The following SESN1 variants were observed in gnomAD, a reference collection of about 807,000 sequenced individuals.
SESN1 encodes sestrin 1, also known as sestrin-1.
In SESN1, 30 loss-of-function variants were observed where a neutral mutation model predicts 59.3. The ratio of observed to expected loss-of-function variants is 0.51; its 90% CI spans 0.38 to 0.69. The LOEUF (loss-of-function observed/expected upper bound fraction) is 0.69. SESN1 is among the 30% of genes least tolerant of loss of function. The pLI, the probability that SESN1 is intolerant of heterozygous loss-of-function variation, is 0.00. For missense variants in SESN1, 566 were observed against 673.0 expected (o/e 0.84, Z 1.76); for synonymous variants, 197 against 219.9 (o/e 0.90, Z 0.92).
chr6:109,090,082 C>G, intron 1 of SESN1, among the ~76,000 whole-genome samples: 1 of 152,180 alleles, frequency 6.6e-6, no homozygotes, highest in South Asian at 2.1e-4. Flanking sequence ...GCAGGCATAC[C>G]TAACATTAAC....
At chr6:109,011,091 G>T (rs573174382) in intron 1 of SESN1, among the ~76,000 whole-genome samples, 11 of 152,288 alleles carry the variant, frequency 7.2e-5, no homozygotes, top group Admixed American at 1.3e-4. Flanking sequence ...TTGTCTAGTA[G>T]GGCATAATCT....
rs1779355605 is a variant in SESN1, at chr6:108,990,673, T to G, written c.1396A>C (p.Asn466His). ...DTSMLRRAIW[N>H]YIHCMFGIRY... ...ATTCCAAACATGCAGTGAATATAGT[T>G]CCAAATTGCCCGTCTAAGCATTGAG... The change falls in exon 8 of 10, where the codon AAC becomes CAC. Residue 466 changes from asparagine to histidine, a missense_variant. Asn to His is a moderately conservative substitution (Grantham distance 68). Coordinates refer to ENST00000436639, the MANE Select transcript of SESN1 (RefSeq NM_014454.3). The G allele has an allele frequency of 6.2e-7, 1 of 1,614,104 alleles. No individual in the cohort carries two copies. The highest frequency in any genetic ancestry group is 8.5e-7 in the Non-Finnish European group (1 of 1,180,002).
At chr6:109,020,296 ATAGAT>A (rs1779990509) in intron 1 of SESN1, among the ~76,000 whole-genome samples, 2 of 152,324 alleles carry the variant, frequency 1.3e-5, no homozygotes, top group South Asian at 4.1e-4. Flanking sequence ...TCTTGGCAAA[ATAGAT>A]TAGATTTTAG....
At chr6:109,089,836 C>T (rs937192012) in intron 1 of SESN1, among the ~76,000 whole-genome samples, 3 of 152,200 alleles carry the variant, frequency 2.0e-5, no homozygotes, top group African/African-American at 7.2e-5. Flanking sequence ...CCCTACCTCA[C>T]ATCCTAGTCC....
intron 1 of SESN1, among the ~76,000 whole-genome samples, chr6:109,084,407 A>G (rs558078337): frequency 5.3e-5 from 8 of 152,262 alleles, no homozygotes; most frequent in South Asian, 2.1e-4. Context: ...CTAAAAATAT[A>G]GCCGGGCATC....
intron 1 of SESN1, among the ~76,000 whole-genome samples, chr6:109,058,037 CTT>C (rs11415303): frequency 8.3e-4 from 122 of 146,470 alleles, no homozygotes; most frequent in African/African-American, 3.0e-3. Context: ...TGTACAGTAA[CTT>C]TTTTTTTTTT....
intron 7 of SESN1, among the ~76,000 whole-genome samples, chr6:108,992,305 A>T (rs1486330248): frequency 6.6e-6 from 1 of 151,936 alleles, no homozygotes; most frequent in Non-Finnish European, 1.5e-5. Context: ...TTGTGGAGAC[A>T]GGGTTTCCCC....
rs761802171 is a variant in SESN1 at position 109,038,978 on chromosome 6, AAAG to A, written c.280-36638_280-36636del. 3.4e-4 allele frequency among the ~76,000 whole-genome samples: 52 copies of A among 151,054 alleles called. No homozygotes were observed. In the East Asian group the frequency reaches 4.1e-3, roughly 12 times the overall value. On this transcript the variant is annotated intron_variant, in intron 1 of 9. Coordinates refer to ENST00000436639, the MANE Select transcript of SESN1 (RefSeq NM_014454.3). ...GGAGAAGGGAGAAGAAGGAAAAGAA[AAAG>A]AAGAAGGAGGAGGAGGAGAAAAGAA...
intron 1 of SESN1, among the ~76,000 whole-genome samples, chr6:109,090,072 G>C (rs548727440): frequency 2.8e-4 from 43 of 152,320 alleles, no homozygotes; most frequent in African/African-American, 1.0e-3. Context: ...CCTAGTAATA[G>C]CAGGCATACC....
chr6:109,051,367 C>T (rs1451561107), intron 1 of SESN1, among the ~76,000 whole-genome samples: 1 of 152,138 alleles, frequency 6.6e-6, no homozygotes, highest in Non-Finnish European at 1.5e-5. Flanking sequence ...AAATGTAACA[C>T]ATCAGTTGTG....
chr6:108,998,500 AAAT>A lies in SESN1; in HGVS notation c.972+10_972+12del. On this transcript the variant is annotated intron_variant, in intron 5 of 9. Transcript: ENST00000436639. Reference sequence around the variant, plus strand: ...ATTAGTTTTATGACAATCTCATGACAAATAATACTTACAGAAACATTTTCTGCT... The same window carrying A: ...ATTAGTTTTATGACAATCTCATGACAAATACTTACAGAAACATTTTCTGCT... 6.2e-7 allele frequency: 1 copy of A among 1,613,316 alleles called. No homozygotes were observed. The highest frequency in any genetic ancestry group is 8.5e-7 in the Non-Finnish European group (1 of 1,179,412).
rs1779209399 is a variant in SESN1 at position 108,986,792 on chromosome 6, G to A, written c.*752C>T. 6.6e-6 allele frequency: 1 copy of A among 152,190 alleles called. No homozygotes were observed. Among genetic ancestry groups the A allele is most frequent in the Admixed American group, 6.5e-5 (1 of 15,284 alleles). 9.4% of individuals were successfully genotyped at this position (152,190 alleles called of 1,614,324 possible). ...AGCTGCCCTCCAGTGTCAGGATCCT[G>A]TGAAACAGCATATCAAAAGATCGCC... On this transcript the variant is annotated 3_prime_UTR_variant, in exon 10 of 10. Transcript: ENST00000436639.
At chr6:109,032,203 C>T (rs766464948) in intron 1 of SESN1, among the ~76,000 whole-genome samples, 24 of 151,956 alleles carry the variant, frequency 1.6e-4, no homozygotes, top group Non-Finnish European at 2.9e-4. Flanking sequence ...ACCTGGAAGG[C>T]GGAGGTTGCG....
In SESN1 at chr6:109,067,430, A is replaced by T. The variant is rs1780852324; in HGVS notation, c.279+26365T>A. Among the ~76,000 whole-genome samples the T allele has an allele frequency of 8.5e-5, 13 of 152,234 alleles. No individual in the cohort carries two copies. In the South Asian group the frequency reaches 2.5e-3, roughly 29 times the overall value. On this transcript the variant is annotated intron_variant, in intron 1 of 9. Coordinates refer to ENST00000436639, the MANE Select transcript of SESN1 (RefSeq NM_014454.3). ...TAAAAGATAGTAAAAATAGGAGAGA[A>T]AATTCCCTAAAACTGAACGCTAAGT...
intron 1 of SESN1, among the ~76,000 whole-genome samples, chr6:109,031,771 T>C (rs1037464366): frequency 1.3e-5 from 2 of 152,132 alleles, no homozygotes; most frequent in East Asian, 1.9e-4. Context: ...TATAAAGAAG[T>C]ATATAGTCAG....
rs1259380849 is a variant in SESN1 at position 109,000,475 on chromosome 6, T to C, written c.729+16A>G. On this transcript the variant is annotated intron_variant, in intron 4 of 9. Coordinates refer to ENST00000436639, the MANE Select transcript of SESN1 (RefSeq NM_014454.3). ...AGTCTGAAATGACTCCCAAGATATA[T>C]TACCCCACTGCTTACCTCAATGTGT... 1.0e-5 allele frequency: 15 copies of C among 1,496,572 alleles called. No homozygotes were observed. The highest frequency in any genetic ancestry group is 1.3e-5 in the Non-Finnish European group (15 of 1,119,042). 92.7% of individuals were successfully genotyped at this position (1,496,572 alleles called of 1,614,324 possible). A position where few individuals can be genotyped will look rare whatever the true frequency, so the allele number is the denominator to read the frequency against.
At chr6:109,082,653 T>A (rs937251703) in intron 1 of SESN1, among the ~76,000 whole-genome samples, 3 of 152,208 alleles carry the variant, frequency 2.0e-5, no homozygotes, top group Non-Finnish European at 1.5e-5. Context: ...TGGACTCCAA[T>A]GAAGGGCTGG....
At chr6:109,053,878 C>A (rs1187158984) in intron 1 of SESN1, among the ~76,000 whole-genome samples, 1 of 152,042 alleles carries the variant, frequency 6.6e-6, no homozygotes, top group African/African-American at 2.4e-5. Flanking sequence ...CTTTTGAATA[C>A]CCTTTAAGAT....
chr6:109,040,541 C>T (rs1314802830), intron 1 of SESN1, among the ~76,000 whole-genome samples: 1 of 152,004 alleles, frequency 6.6e-6, no homozygotes, highest in Non-Finnish European at 1.5e-5. Flanking sequence ...CAAATTACAT[C>T]AGGTGTCCCA....
Sources: allele counts gnomAD v4.1 joint callset (sites outside exome capture counted in the v4.1 genomes callset), GRCh38; gene constraint gnomAD v4.1.1; transcripts MANE v1.5; gene names NCBI Gene and HGNC (gene_info 2026-07-23, HGNC 2026-07-21).